The following TLN2 variants were observed in gnomAD, a reference collection of about 807,000 sequenced individuals.
TLN2 encodes the protein talin-2.
In TLN2, 118 loss-of-function variants were observed where a neutral mutation model predicts 294.7. The observed-to-expected ratio is 0.40, with a 90% CI of 0.34 to 0.47. The LOEUF is 0.47. TLN2 is among the 20% of genes least tolerant of loss of function. The pLI is 0.84. For missense variants in TLN2, 3,083 were observed against 3,282.2 expected, an observed-to-expected ratio of 0.94 and a Z score of 1.48; for synonymous variants, 1,431 against 1,304.5, an observed-to-expected ratio of 1.10 and a Z score of -2.09.
At chr15:62,711,301 C>G (rs936674509) in intron 21 of TLN2, among the ~76,000 whole-genome samples, 2 of 152,022 alleles carry the variant, frequency 1.3e-5, no homozygotes, top group Non-Finnish European at 2.9e-5. Context: ...AAGAATAATG[C>G]AAGATCAAAA....
chr15:62,537,479 A>C (rs576651014), intron 1 of TLN2, among the ~76,000 whole-genome samples: 1 of 152,322 alleles, frequency 6.6e-6, no homozygotes, highest in South Asian at 2.1e-4. Flanking sequence ...CAGCTCCTAG[A>C]AAGTGGAGTA....
chr15:62,440,377 C>G (rs971448856), intron 1 of TLN2, among the ~76,000 whole-genome samples: 3 of 152,202 alleles, frequency 2.0e-5, no homozygotes, highest in African/African-American at 7.2e-5. Context: ...TATCTTCCCC[C>G]TCTCCTTTCT....
intron 1 of TLN2, among the ~76,000 whole-genome samples, chr15:62,535,858 G>A (rs1234507327): frequency 2.0e-5 from 3 of 152,148 alleles, no homozygotes; most frequent in African/African-American, 7.2e-5. Flanking sequence ...TGGCCAGTAT[G>A]TTTTAAAGTT....
At chr15:62,723,207 A>G (rs1459083626) in intron 26 of TLN2, among the ~76,000 whole-genome samples, 2 of 152,256 alleles carry the variant, frequency 1.3e-5, no homozygotes, top group African/African-American at 2.4e-5. Flanking sequence ...TATGAGGAGA[A>G]TGCTACACTG....
At chr15:62,678,105 A>G in intron 11 of TLN2, among the ~76,000 whole-genome samples, 1 of 152,062 alleles carries the variant, frequency 6.6e-6, no homozygotes, top group East Asian at 1.9e-4. Context: ...AAGCACTTGC[A>G]ACTTCTATAT....
chr15:62,701,866 A>C lies in TLN2; in HGVS notation c.1697-126A>C, dbSNP rs1004477696. ...GGGAGCAGGCCAGCTCACTGTGCTC[A>C]TGTGAAGCTTGGTGTCTGACTCCTG... On this transcript the variant is annotated intron_variant, in intron 17 of 58. Transcript: ENST00000636159. 23 of 1,087,352 alleles carry C rather than the reference A, an allele frequency of 2.1e-5. No homozygotes were observed. In the African/African-American group the frequency reaches 3.1e-4, roughly 15 times the overall value. The allele number at this position is 1,087,352 out of a possible 1,614,324, so 67.4% of individuals were successfully genotyped here.
In TLN2 at chr15:62,487,043, A is replaced by G. The variant is rs1012041133; in HGVS notation, c.-238+96358A>G. 4.6e-5 allele frequency among the ~76,000 whole-genome samples: 7 copies of G among 152,148 alleles called. No homozygotes were observed. In the East Asian group the frequency reaches 5.8e-4, roughly 13 times the overall value. ...TGTTCACAGTGGGTTCCCTTTGACT[A>G]TATCTAACTATCCTGGTTGCCTTGG... On this transcript the variant is annotated intron_variant, in intron 1 of 58. Coordinates refer to ENST00000636159, the MANE Select transcript of TLN2 (RefSeq NM_015059.3).
intron 1 of TLN2, among the ~76,000 whole-genome samples, chr15:62,432,660 G>A (rs1314619664): frequency 2.6e-5 from 4 of 152,130 alleles, no homozygotes; most frequent in Non-Finnish European, 5.9e-5. Context: ...TTGAGGTTTG[G>A]GTTCTTAGAG....
At chr15:62,755,740 C>G (rs941351294) in intron 37 of TLN2, 47 bp downstream of exon 37, 1 of 1,604,820 alleles carries the variant, frequency 6.2e-7, no homozygotes, top group East Asian at 2.2e-5. Context: ...AACTCCTGTT[C>G]TGGCGGGGGA....
intron 1 of TLN2, among the ~76,000 whole-genome samples, chr15:62,393,091 C>A (rs547537097): frequency 6.6e-6 from 1 of 152,008 alleles, no homozygotes. Flanking sequence ...GAAGAGAAAT[C>A]AGTTGCAGAA....
Position 62,701,980 on chromosome 15 carries a change from T to C in TLN2, c.1697-12T>C, listed in dbSNP as rs771166532. Reference sequence around the variant, plus strand: ...GCCCTCCTTTGATGGGGATGGTTCTTTTCTGTGCCAGGTGACCCTGCAGAC... The same window carrying C: ...GCCCTCCTTTGATGGGGATGGTTCTCTTCTGTGCCAGGTGACCCTGCAGAC... On this transcript the variant is annotated splice_polypyrimidine_tract_variant and intron_variant, in intron 17 of 58. Coordinates refer to ENST00000636159, the MANE Select transcript of TLN2 (RefSeq NM_015059.3). 1.9e-6 allele frequency: 3 copies of C among 1,613,744 alleles called. No individual in the cohort carries two copies. In the South Asian group the frequency reaches 3.3e-5, roughly 18 times the overall value.
At chr15:62,686,142 A>G (rs1185932197) in intron 11 of TLN2, among the ~76,000 whole-genome samples, 2 of 152,230 alleles carry the variant, frequency 1.3e-5, no homozygotes, top group African/African-American at 4.8e-5. Context: ...AAATTCCAAA[A>G]CAAAGAATCC....
chr15:62,791,409 C>T (rs1045208604), intron 45 of TLN2, among the ~76,000 whole-genome samples: 3 of 152,052 alleles, frequency 2.0e-5, no homozygotes, highest in African/African-American at 7.2e-5. Flanking sequence ...TCAACTTTGT[C>T]GATCACGAGA....
chr15:62,582,650 G>A (rs2045238651), intron 1 of TLN2, among the ~76,000 whole-genome samples: 1 of 152,140 alleles, frequency 6.6e-6, no homozygotes, highest in African/African-American at 2.4e-5. Flanking sequence ...GGGGACATAA[G>A]GTGCACTGGC....
At chr15:62,603,201 G>C (rs1468576786) in intron 2 of TLN2, among the ~76,000 whole-genome samples, 5 of 152,050 alleles carry the variant, frequency 3.3e-5, no homozygotes, top group Non-Finnish European at 7.4e-5. Flanking sequence ...CGAGGCGTTT[G>C]GTTTTACCCC....
At chr15:62,755,366 G>GCC in intron 36 of TLN2, 166 bp from the exon 37 acceptor site, 1 of 744,344 alleles carries the variant, frequency 1.3e-6, no homozygotes, top group Non-Finnish European at 2.1e-6. Flanking sequence ...AAGATTTCTT[G>GCC]CCCTCCTCTT....
chr15:62,698,518 A>C (rs114198680), intron 15 of TLN2, among the ~76,000 whole-genome samples: 51 of 152,238 alleles, frequency 3.4e-4, no homozygotes, highest in African/African-American at 1.2e-3. Context: ...AGCTCTTCAC[A>C]CACTTCTGAT....
At chr15:62,827,734 G>A (rs1476333955) in intron 54 of TLN2, 1 of 152,200 alleles carries the variant, frequency 6.6e-6, no homozygotes, top group Non-Finnish European at 1.5e-5. Context: ...CAGAGAAACA[G>A]ATTAATTTAG....
chr15:62,781,505 C>T (rs931341495), intron 44 of TLN2, among the ~76,000 whole-genome samples: 9 of 151,714 alleles, frequency 5.9e-5, no homozygotes, highest in Non-Finnish European at 8.8e-5. Flanking sequence ...GACAGAGGAG[C>T]AAAGGAAGGA....
Sources: allele counts gnomAD v4.1 joint callset (sites outside exome capture counted in the v4.1 genomes callset), GRCh38; gene constraint gnomAD v4.1.1; transcripts MANE v1.5; gene names NCBI Gene and HGNC (gene_info 2026-07-23, HGNC 2026-07-21).